Variants in PKHD1 observed in about 807,000 individuals in gnomAD.
PKHD1 encodes the protein fibrocystin.
In PKHD1, 291 loss-of-function variants were observed where a neutral mutation model predicts 412.0. That is an observed-to-expected ratio of 0.71 (90% CI 0.64 to 0.78). The LOEUF (loss-of-function observed/expected upper bound fraction) is 0.78, where lower values mean the gene tolerates loss of function less well. Among genes scored for constraint, PKHD1 ranks in the 30% least tolerant of loss-of-function variants. The probability of loss-of-function intolerance (pLI) is 0.00; values close to 1 mark genes in which losing one functional copy is unlikely to be tolerated. For missense variants in PKHD1, 4,825 were observed against 4,950.7 expected (o/e 0.97, Z 0.76); for synonymous variants, 1,777 against 1,821.5 (o/e 0.98, Z 0.62).
intron 29 of PKHD1, among the ~76,000 whole-genome samples, chr6:52,031,380 T>C (rs998349071): frequency 6.6e-6 from 1 of 152,192 alleles, no homozygotes; most frequent in African/African-American, 2.4e-5. Flanking sequence ...CATGCTCCAA[T>C]AAGGCAAACA....
At chr6:52,004,232 T>C (rs1020782559) in intron 35 of PKHD1, among the ~76,000 whole-genome samples, 1 of 152,200 alleles carries the variant, frequency 6.6e-6, no homozygotes, top group African/African-American at 2.4e-5. Context: ...GATTGTTTTG[T>C]CTACAAGTTC....
intron 60 of PKHD1, among the ~76,000 whole-genome samples, chr6:51,660,256 C>A (rs944671979): frequency 1.3e-5 from 2 of 152,004 alleles, no homozygotes; most frequent in Non-Finnish European, 2.9e-5. Context: ...AGAATCAAGA[C>A]AATGAAATAA....
At chr6:51,914,255 T>A (rs1485922493) in intron 37 of PKHD1, among the ~76,000 whole-genome samples, 1 of 152,144 alleles carries the variant, frequency 6.6e-6, no homozygotes. Context: ...TCTGAATGGA[T>A]GAAAAAATTC....
At chr6:51,815,833 T>C (rs1212358620) in intron 52 of PKHD1, among the ~76,000 whole-genome samples, 1 of 152,206 alleles carries the variant, frequency 6.6e-6, no homozygotes, top group African/African-American at 2.4e-5. Context: ...AAAAACAAGA[T>C]TATTTCAGAT....
At position 51,836,425 on chromosome 6, in the gene PKHD1, C is replaced by T; in HGVS notation, c.8152G>A (p.Gly2718Ser). ...QVQVILRVKE[G>S]MPPTISASTS... ...TCACCTGAAATAGTTGGGGGCATAC[C>T]TTCCTTCACCCGGAGAATGACTTGA... Residue 2718 changes from glycine (G) to serine (S), a missense_variant, in exon 51 of 67, where the codon GGT (glycine) becomes AGT (serine). Coordinates refer to ENST00000371117, the MANE Select transcript of PKHD1 (RefSeq NM_138694.4). The T allele has an allele frequency of 6.2e-7, 1 of 1,612,786 alleles. No individual in the cohort carries two copies. The highest frequency in any genetic ancestry group is 8.5e-7 in the Non-Finnish European group (1 of 1,178,838).
intron 27 of PKHD1, among the ~76,000 whole-genome samples, chr6:52,036,537 C>A (rs1385308160): frequency 6.6e-6 from 1 of 152,172 alleles, no homozygotes. Flanking sequence ...CTTACCCCCC[C>A]TTGAGGGTGG....
chr6:51,750,395 A>G (rs892527203), intron 57 of PKHD1, among the ~76,000 whole-genome samples: 12 of 152,224 alleles, frequency 7.9e-5, no homozygotes, highest in African/African-American at 2.9e-4. Context: ...ATAAATAAAT[A>G]GCTTATTTTT....
At position 51,748,659 on chromosome 6, in the gene PKHD1, AG is replaced by A. The variant is rs2150987584; in HGVS notation, c.8956del (p.Leu2986PhefsTer53). On this transcript the variant is annotated frameshift_variant, in exon 58 of 67. Transcript: ENST00000371117. LOFTEE classifies it high-confidence loss of function. The stretch of plus-strand genomic sequence containing the variant: ...CTGAATTTCCACATTAAGAAGTTGA[AG>A]GACACCTATAAACAAATGCATGTCA... ...KSSREEFSGV[L>X]QLLNVEIQNF... 6.2e-7 allele frequency: 1 copy of A among 1,613,622 alleles called. No individual in the cohort carries two copies. The highest frequency in any genetic ancestry group is 1.3e-5 in the African/African-American group (1 of 75,014).
chr6:52,037,584 T>C (rs1804153192), intron 27 of PKHD1, among the ~76,000 whole-genome samples: 1 of 152,200 alleles, frequency 6.6e-6, no homozygotes. Context: ...CATGAAAAGA[T>C]ATTCAATTTC....
intron 40 of PKHD1, among the ~76,000 whole-genome samples, chr6:51,908,905 G>A (rs909218774): frequency 2.0e-5 from 3 of 152,128 alleles, no homozygotes; most frequent in Non-Finnish European, 4.4e-5. Flanking sequence ...CACAAAGCTA[G>A]TAAGTGGTAG....
chr6:51,656,062 A>G (rs1453903165), intron 61 of PKHD1, among the ~76,000 whole-genome samples: 1 of 152,196 alleles, frequency 6.6e-6, no homozygotes, highest in Non-Finnish European at 1.5e-5. Flanking sequence ...TTGCAGCACT[A>G]TTCACAATAG....
intron 52 of PKHD1, among the ~76,000 whole-genome samples, chr6:51,801,069 A>G (rs1163022523): frequency 1.3e-5 from 2 of 152,202 alleles, no homozygotes; most frequent in African/African-American, 4.8e-5. Flanking sequence ...CCTTTGTAGA[A>G]AGAAAATATT....
At chr6:51,634,579 T>C (rs1044598931) in intron 64 of PKHD1, among the ~76,000 whole-genome samples, 1 of 152,180 alleles carries the variant, frequency 6.6e-6, no homozygotes, top group Non-Finnish European at 1.5e-5. Context: ...AGCTAGTAAA[T>C]AAGATACACA....
At position 51,748,616 on chromosome 6, in the gene PKHD1, C is replaced by T. The variant is rs747167652; in HGVS notation, c.9000G>A (p.Leu3000=). The T allele has an allele frequency of 2.5e-6, 4 of 1,613,606 alleles. No individual in the cohort carries two copies. In the African/African-American group the frequency reaches 4.0e-5, roughly 16 times the overall value. ...NVEIQNFGSP[L]YSSVEFSNVS... ...CATTACTGAATTCAACAGATGAGTA[C>T]AATGGTGACCCGAAGTTCTGAATTT... Residue 3000 remains leucine (L), a synonymous_variant, in exon 58 of 67, where the codon TTG becomes TTA. Coordinates refer to ENST00000371117, the MANE Select transcript of PKHD1 (RefSeq NM_138694.4).
intron 36 of PKHD1, among the ~76,000 whole-genome samples, chr6:51,956,352 G>A (rs1791135867): frequency 6.6e-6 from 1 of 151,810 alleles, no homozygotes; most frequent in Admixed American, 6.6e-5. Context: ...AACAACTAAG[G>A]ACAGTGAAAG....
At chr6:51,967,442 G>A (rs973363816) in intron 35 of PKHD1, among the ~76,000 whole-genome samples, 35 of 152,152 alleles carry the variant, frequency 2.3e-4, no homozygotes, top group Non-Finnish European at 4.3e-4. Context: ...TAAAACATGC[G>A]CAAAATGGAA....
intron 52 of PKHD1, among the ~76,000 whole-genome samples, chr6:51,818,308 A>G (rs1236892454): frequency 6.6e-6 from 1 of 152,228 alleles, no homozygotes. Context: ...TGAGAAACAT[A>G]TATTCATACT....
At chr6:51,808,121 A>T (rs969391915) in intron 52 of PKHD1, among the ~76,000 whole-genome samples, 1 of 152,212 alleles carries the variant, frequency 6.6e-6, no homozygotes, top group African/African-American at 2.4e-5. Flanking sequence ...TGGAATAATC[A>T]TATCTTTCTA....
At position 51,746,876 on chromosome 6, in the gene PKHD1, A is replaced by G. The variant is rs1785257439; in HGVS notation, c.9843T>C (p.Ser3281=). ...GIMKLQDVTF[S]SFVKSCYSDD... is the part of the protein sequence containing the mutation. ...CGCTATAGCAACTCTTCACAAAACT[A>G]GAAAAGGTAACATCTGAAATTTTAA... Residue 3281 remains serine, a synonymous_variant, in exon 59 of 67, where the codon TCT becomes TCC. Coordinates refer to ENST00000371117, the MANE Select transcript of PKHD1 (RefSeq NM_138694.4). 1 of 1,601,262 alleles carries G rather than the reference A, an allele frequency of 6.2e-7. No individual in the cohort carries two copies. Among genetic ancestry groups the G allele is most frequent in the Non-Finnish European group, 8.5e-7 (1 of 1,170,056 alleles).
Sources: allele counts gnomAD v4.1 joint callset (sites outside exome capture counted in the v4.1 genomes callset), GRCh38; gene constraint gnomAD v4.1.1; transcripts MANE v1.5; gene names NCBI Gene and HGNC (gene_info 2026-07-23, HGNC 2026-07-21).